PDCL2: variants seen among roughly 807,000 people sequenced by gnomAD.
PDCL2 encodes phosducin like 2, also known as phosducin-like protein 2.
In PDCL2, 23 loss-of-function variants were observed where a neutral mutation model predicts 30.3. The ratio of observed to expected loss-of-function variants is 0.76; its 90% confidence interval spans 0.55 to 1.08. The LOEUF (loss-of-function observed/expected upper bound fraction) is 1.08. Ranked by LOEUF, PDCL2 falls within the 50% of genes least tolerant of loss-of-function variation. The probability of loss-of-function intolerance (pLI) is 0.00; values close to 1 mark genes in which losing one functional copy is unlikely to be tolerated. For synonymous variants in PDCL2, 68 were observed against 86.2 expected (o/e 0.79, Z 1.17); for missense variants, 243 against 282.3 (o/e 0.86, Z 1.00).
chr4:55,581,531 A>G (rs1391546858), intron 2 of PDCL2, among the ~76,000 whole-genome samples: 1 of 152,214 alleles, frequency 6.6e-6, no homozygotes, highest in Non-Finnish European at 1.5e-5. Context: ...TGATCAAAAT[A>G]GATGGTAATA....
In PDCL2 at chr4:55,556,530, T is replaced by G. The variant is rs949450894; in HGVS notation, c.*27A>C. The G allele has an allele frequency of 2.1e-6, 3 of 1,458,798 alleles. No homozygotes were observed. The highest frequency in any genetic ancestry group is 2.8e-5 in the African/African-American group (2 of 70,438). 90.4% of individuals were successfully genotyped at this position (1,458,798 alleles called of 1,614,324 possible). A position where few individuals can be genotyped will look rare whatever the true frequency, so the allele number is the denominator to read the frequency against. On this transcript the variant is annotated 3_prime_UTR_variant, in exon 6 of 6. Transcript: ENST00000295645. Reference sequence around the variant, plus strand: ...AGTAAAACATTCAGTACACATATACTAAAAGCTATTTATTGAATATTTCTC... The same window carrying G: ...AGTAAAACATTCAGTACACATATACGAAAAGCTATTTATTGAATATTTCTC...
intron 4 of PDCL2, among the ~76,000 whole-genome samples, chr4:55,563,834 T>A (rs1000012047): frequency 6.6e-6 from 1 of 152,124 alleles, no homozygotes; most frequent in African/African-American, 2.4e-5. Flanking sequence ...AAAAGTGGTG[T>A]TGTTATGTAG....
chr4:55,577,228 G>A (rs762427555), intron 3 of PDCL2, among the ~76,000 whole-genome samples: 2 of 152,140 alleles, frequency 1.3e-5, no homozygotes, highest in Non-Finnish European at 2.9e-5. Context: ...CATTAATCCC[G>A]TTCATAAAGG....
intron 3 of PDCL2, among the ~76,000 whole-genome samples, chr4:55,576,921 G>A (rs191753485): frequency 3.9e-4 from 58 of 148,380 alleles, no homozygotes; most frequent in Admixed American, 6.0e-4. Context: ...TTTTTGAGAC[G>A]GAGTCTTGCT....
At chr4:55,577,824 G>A (rs1408454635) in intron 3 of PDCL2, among the ~76,000 whole-genome samples, 1 of 151,968 alleles carries the variant, frequency 6.6e-6, no homozygotes, top group Non-Finnish European at 1.5e-5. Context: ...TGACTTCTGG[G>A]CTTCCTCAAG....
chr4:55,579,907 C>T (rs543031136), intron 3 of PDCL2, among the ~76,000 whole-genome samples: 11 of 151,282 alleles, frequency 7.3e-5, no homozygotes, highest in South Asian at 2.1e-4. Context: ...AGTGCAATGG[C>T]GCAATCTTGG....
intron 1 of PDCL2, among the ~76,000 whole-genome samples, chr4:55,590,596 C>T (rs532193944): frequency 2.0e-5 from 3 of 152,126 alleles, no homozygotes; most frequent in African/African-American, 7.2e-5. Flanking sequence ...AAGCGATTCT[C>T]CTGTCTCAGC....
intron 1 of PDCL2, among the ~76,000 whole-genome samples, chr4:55,583,157 C>G (rs1341201044): frequency 1.3e-5 from 2 of 151,966 alleles, no homozygotes; most frequent in Non-Finnish European, 2.9e-5. Context: ...TGTATTTTTA[C>G]AGGGTTTCCC....
At chr4:55,575,190 T>A (rs1732532259) in intron 3 of PDCL2, among the ~76,000 whole-genome samples, 1 of 152,194 alleles carries the variant, frequency 6.6e-6, no homozygotes, top group African/African-American at 2.4e-5. Flanking sequence ...GAGAATTGGT[T>A]GTGGGGGACC....
At chr4:55,578,235 A>G (rs760343556) in intron 3 of PDCL2, among the ~76,000 whole-genome samples, 2 of 152,216 alleles carry the variant, frequency 1.3e-5, no homozygotes, top group Non-Finnish European at 2.9e-5. Flanking sequence ...GTCCCTGTAC[A>G]TCCATGTTCA....
At chr4:55,579,936 C>G (rs1349404008) in intron 3 of PDCL2, among the ~76,000 whole-genome samples, 1 of 151,870 alleles carries the variant, frequency 6.6e-6, no homozygotes, top group African/African-American at 2.4e-5. Flanking sequence ...AACCTCTGCC[C>G]CACCGGGTTC....
chr4:55,574,419 T>C, intron 3 of PDCL2, among the ~76,000 whole-genome samples: 1 of 152,162 alleles, frequency 6.6e-6, no homozygotes, highest in East Asian at 1.9e-4. Flanking sequence ...ATATATACAT[T>C]TCAATGACTC....
chr4:55,590,697 G>A (rs903637728), intron 1 of PDCL2, among the ~76,000 whole-genome samples: 2 of 151,256 alleles, frequency 1.3e-5, no homozygotes, highest in African/African-American at 4.9e-5. Flanking sequence ...GTTTTGCCAT[G>A]TAGGCCAGGC....
chr4:55,562,241 G>A (rs950406004), intron 5 of PDCL2, among the ~76,000 whole-genome samples, 163 bp downstream of exon 5: 2 of 152,048 alleles, frequency 1.3e-5, no homozygotes, highest in African/African-American at 4.8e-5. Context: ...AAGCAAGGGG[G>A]TGTTATTAGA....
At chr4:55,580,751 A>G (rs975979526) in intron 3 of PDCL2, 70 bp downstream of exon 3, 16 of 1,112,436 alleles carry the variant, frequency 1.4e-5, no homozygotes, top group Non-Finnish European at 1.8e-5. Context: ...TGACAAGACA[A>G]ATCTCTTTAG....
At chr4:55,568,950 C>G (rs1378638349) in intron 4 of PDCL2, among the ~76,000 whole-genome samples, 2 of 152,132 alleles carry the variant, frequency 1.3e-5, no homozygotes, top group Non-Finnish European at 2.9e-5. Flanking sequence ...TATTTACCAT[C>G]CCACAGTTTG....
At chr4:55,572,882 C>T (rs1230668387) in intron 3 of PDCL2, among the ~76,000 whole-genome samples, 1 of 152,078 alleles carries the variant, frequency 6.6e-6, no homozygotes, top group African/African-American at 2.4e-5. Flanking sequence ...GCCTCAGCCT[C>T]CCGGGTAGCT....
At chr4:55,577,910 T>C (rs777126339) in intron 3 of PDCL2, among the ~76,000 whole-genome samples, 1 of 152,206 alleles carries the variant, frequency 6.6e-6, no homozygotes, top group Non-Finnish European at 1.5e-5. Context: ...GTGATTTTTG[T>C]TGAAAACTAG....
chr4:55,561,973 CAG>C (rs1393649663), intron 5 of PDCL2, among the ~76,000 whole-genome samples: 1 of 152,040 alleles, frequency 6.6e-6, no homozygotes, highest in Non-Finnish European at 1.5e-5. Flanking sequence ...AAAAATTGAA[CAG>C]ACTCATGAAG....
Sources: gnomAD v4.1 joint callset for allele counts (sites outside exome capture counted in the v4.1 genomes callset) on GRCh38, gnomAD v4.1.1 for gene constraint, MANE v1.5 for transcripts, NCBI Gene and HGNC (gene_info 2026-07-23, HGNC 2026-07-21) for gene names.